Variants in ADAMTSL1 observed in about 807,000 individuals in gnomAD.
ADAMTSL1 encodes the protein ADAMTS like 1.
ADAMTSL1 carries 126 observed loss-of-function variants against 201.8 expected under a neutral mutation model. That is an observed-to-expected ratio of 0.62 (90% CI 0.54 to 0.72). The LOEUF (loss-of-function observed/expected upper bound fraction) is 0.72, where lower values mean the gene tolerates loss of function less well. Ranked by LOEUF, ADAMTSL1 falls within the 30% of genes least tolerant of loss-of-function variation. The probability of loss-of-function intolerance (pLI) is 0.00; values close to 1 mark genes in which losing one functional copy is unlikely to be tolerated. For missense variants in ADAMTSL1, 2,679 were observed against 2,277.8 expected (o/e 1.18, Z -3.59); for synonymous variants, 1,121 against 903.4 (o/e 1.24, Z -4.32).
intron 1 of ADAMTSL1, among the ~76,000 whole-genome samples, chr9:18,109,448 T>G (rs1026270964): frequency 6.6e-6 from 1 of 152,136 alleles, no homozygotes. Flanking sequence ...TGAAGAATAC[T>G]AAGTGCCCCA....
intron 2 of ADAMTSL1, among the ~76,000 whole-genome samples, chr9:18,514,327 C>CTTTTTTTTTTTTTT (rs397963773): frequency 2.5e-4 from 25 of 100,084 alleles, no homozygotes; most frequent in Non-Finnish European, 3.0e-4. Context: ...ATTTTTCTTT[C>CTTTTTTTTTTTTTT]TTTTTTTTTT....
intron 16 of ADAMTSL1, among the ~76,000 whole-genome samples, chr9:18,761,874 G>A (rs1820088723): frequency 6.6e-6 from 1 of 152,218 alleles, no homozygotes; most frequent in Admixed American, 6.5e-5. Flanking sequence ...TACTCAGCTA[G>A]ATGGCTGCCT....
chr9:18,139,724 CAA>C (rs1826317426), intron 1 of ADAMTSL1, among the ~76,000 whole-genome samples: 1 of 152,122 alleles, frequency 6.6e-6, no homozygotes, highest in Non-Finnish European at 1.5e-5. Context: ...AGAAGTAAGA[CAA>C]GATATAGACA....
intron 2 of ADAMTSL1, among the ~76,000 whole-genome samples, chr9:18,184,040 G>C (rs1369631069): frequency 6.6e-6 from 1 of 152,196 alleles, no homozygotes; most frequent in Non-Finnish European, 1.5e-5. Context: ...CTGTCTAAAA[G>C]AGGGAGAGAT....
chr9:18,719,302 A>C (rs775251444), intron 14 of ADAMTSL1, among the ~76,000 whole-genome samples: 8 of 152,244 alleles, frequency 5.3e-5, no homozygotes, highest in Non-Finnish European at 8.8e-5. Flanking sequence ...TAAAGATACC[A>C]TCACAGCCAC....
At chr9:18,581,845 G>T (rs1371359380) in intron 4 of ADAMTSL1, among the ~76,000 whole-genome samples, 1 of 152,172 alleles carries the variant, frequency 6.6e-6, no homozygotes, top group Non-Finnish European at 1.5e-5. Context: ...CTATGTGCCT[G>T]CCAAGGAGGC....
intron 12 of ADAMTSL1, among the ~76,000 whole-genome samples, chr9:18,683,831 G>T (rs998518850): frequency 2.0e-5 from 3 of 152,120 alleles, no homozygotes; most frequent in Non-Finnish European, 2.9e-5. Flanking sequence ...AGTGAGCCTG[G>T]CTCTCTAAAC....
chr9:18,007,632 A>G, intron 1 of ADAMTSL1, among the ~76,000 whole-genome samples: 1 of 151,968 alleles, frequency 6.6e-6, no homozygotes, highest in East Asian at 1.9e-4. Context: ...AACCCATGTA[A>G]TCACTGCACT....
intron 9 of ADAMTSL1, among the ~76,000 whole-genome samples, chr9:18,674,455 GC>G (rs1830020085): frequency 6.6e-6 from 1 of 151,522 alleles, no homozygotes; most frequent in South Asian, 2.1e-4. Flanking sequence ...AACTATGCAG[GC>G]CCCTTTATCC....
intron 2 of ADAMTSL1, among the ~76,000 whole-genome samples, chr9:18,232,723 C>T (rs1830692011): frequency 1.3e-5 from 2 of 152,078 alleles, no homozygotes; most frequent in South Asian, 2.1e-4. Flanking sequence ...GTACACCAAA[C>T]TTGTCTTTCT....
chr9:18,195,776 T>C (rs1829150683), intron 2 of ADAMTSL1, among the ~76,000 whole-genome samples: 1 of 152,124 alleles, frequency 6.6e-6, no homozygotes, highest in African/African-American at 2.4e-5. Flanking sequence ...TGAAAACTTG[T>C]TTATCTCATG....
intron 1 of ADAMTSL1, among the ~76,000 whole-genome samples, chr9:17,954,889 C>G (rs1439048496): frequency 1.3e-5 from 2 of 152,122 alleles, no homozygotes; most frequent in Non-Finnish European, 2.9e-5. Flanking sequence ...TTTGAAGATG[C>G]TGGACCTGGA....
At chr9:18,275,827 G>T (rs1832565831) in intron 2 of ADAMTSL1, among the ~76,000 whole-genome samples, 1 of 152,088 alleles carries the variant, frequency 6.6e-6, no homozygotes, top group Non-Finnish European at 1.5e-5. Context: ...ACATACTTGT[G>T]TGCAGGTCTT....
intron 2 of ADAMTSL1, among the ~76,000 whole-genome samples, chr9:18,325,180 C>A (rs950135649): frequency 1.3e-5 from 2 of 152,170 alleles, no homozygotes; most frequent in Admixed American, 1.3e-4. Flanking sequence ...AAAGGTTTGA[C>A]AATTTCTTAT....
chr9:18,717,924 G>A, intron 14 of ADAMTSL1: 1 of 1,223,180 alleles, frequency 8.2e-7, no homozygotes, highest in South Asian at 1.2e-5. Flanking sequence ...CTATTGAATT[G>A]GACAACAGTT....
chr9:18,579,702 T>A (rs865785840), intron 4 of ADAMTSL1, among the ~76,000 whole-genome samples: 7 of 152,166 alleles, frequency 4.6e-5, no homozygotes, highest in African/African-American at 2.4e-5. Flanking sequence ...CCTATTGCAG[T>A]CATCTTTTGC....
upstream of ADAMTSL1, chr9:18,473,937 C>G (rs1006685056): frequency 1.0e-5 from 4 of 390,214 alleles, no homozygotes; most frequent in African/African-American, 4.1e-5. Context: ...CTTTTTCGTC[C>G]TTTTCCCCCT....
chr9:18,697,463 C>G (rs1222225864), intron 13 of ADAMTSL1, among the ~76,000 whole-genome samples: 2 of 152,092 alleles, frequency 1.3e-5, no homozygotes, highest in East Asian at 3.9e-4. Context: ...TGGAAATTTG[C>G]TAGAAAATGC....
intron 1 of ADAMTSL1, among the ~76,000 whole-genome samples, chr9:17,989,647 C>T (rs1350913554): frequency 1.3e-5 from 2 of 151,932 alleles, no homozygotes; most frequent in Non-Finnish European, 2.9e-5. Context: ...AGAATACTCC[C>T]TTTGCCTGGA....
Sources: allele counts gnomAD v4.1 joint callset (sites outside exome capture counted in the v4.1 genomes callset), GRCh38; gene constraint gnomAD v4.1.1; transcripts MANE v1.5; gene names NCBI Gene and HGNC (gene_info 2026-07-23, HGNC 2026-07-21).